Variants in TRABD2B observed in about 807,000 individuals in gnomAD.
TRABD2B encodes the protein metalloprotease TIKI2.
Under a neutral mutation model 40.1 loss-of-function variants are expected in TRABD2B, and 14 were observed. That is an observed-to-expected ratio of 0.35 (90% CI 0.23 to 0.55). TRABD2B has a LOEUF of 0.55. TRABD2B is among the 20% of genes least tolerant of loss of function. The pLI is 0.90. For synonymous variants in TRABD2B, 263 were observed against 277.0 expected (o/e 0.95, Z 0.50); for missense variants, 541 against 648.6 (o/e 0.83, Z 1.80).
intron 2 of TRABD2B, among the ~76,000 whole-genome samples, chr1:47,805,971 G>C (rs12401319): frequency 0.059 from 9,026 of 152,234 alleles, 480 homozygotes; most frequent in East Asian, 0.19. Context: ...CCCTGGAAGA[G>C]AGCCAAGAGG....
intron 2 of TRABD2B, among the ~76,000 whole-genome samples, chr1:47,936,118 A>C (rs1645103590): frequency 6.6e-6 from 1 of 152,180 alleles, no homozygotes; most frequent in Admixed American, 6.5e-5. Flanking sequence ...CTCTCTCTCA[A>C]ATGAGGTCAG....
chr1:47,810,151 TGTGC>T (rs990535052), intron 2 of TRABD2B, among the ~76,000 whole-genome samples: 9 of 126,702 alleles, frequency 7.1e-5, no homozygotes, highest in East Asian at 2.5e-4. Context: ...TGTGTGTGTG[TGTGC>T]GCGCGCGCGC....
At chr1:47,783,858 G>A (rs1644558852) in intron 4 of TRABD2B, among the ~76,000 whole-genome samples, 1 of 152,204 alleles carries the variant, frequency 6.6e-6, no homozygotes, top group African/African-American at 2.4e-5. Flanking sequence ...TAGAGCGAGT[G>A]CTGTCCTAGG....
At chr1:47,781,393 C>A (rs956522711) in intron 4 of TRABD2B, among the ~76,000 whole-genome samples, 1 of 152,168 alleles carries the variant, frequency 6.6e-6, no homozygotes, top group African/African-American at 2.4e-5. Flanking sequence ...CCAAGAGGAG[C>A]GTTTCTGGGA....
chr1:47,936,091 G>A (rs755094644), intron 2 of TRABD2B, among the ~76,000 whole-genome samples: 1 of 152,192 alleles, frequency 6.6e-6, no homozygotes, highest in African/African-American at 2.4e-5. Flanking sequence ...AGGGACTCAG[G>A]AACTATGAGG....
chr1:47,803,889 C>A (rs1311655139), intron 2 of TRABD2B, among the ~76,000 whole-genome samples: 1 of 152,224 alleles, frequency 6.6e-6, no homozygotes, highest in Non-Finnish European at 1.5e-5. Flanking sequence ...ACAACTTCTG[C>A]ACTCTGCATT....
chr1:47,959,509 A>G (rs116544232), intron 2 of TRABD2B, among the ~76,000 whole-genome samples: 2,451 of 152,272 alleles, frequency 0.016, 64 homozygotes, highest in African/African-American at 0.055. Context: ...AGATGCAATA[A>G]AAAAATGATA....
chr1:47,820,210 C>T (rs964754630), intron 2 of TRABD2B: 13 of 152,212 alleles, frequency 8.5e-5, no homozygotes, highest in African/African-American at 2.7e-4. Context: ...ACATATGATG[C>T]ACTCAATAAA....
chr1:47,892,144 T>C (rs1216150731), intron 2 of TRABD2B, among the ~76,000 whole-genome samples: 1 of 152,226 alleles, frequency 6.6e-6, no homozygotes, highest in East Asian at 1.9e-4. Context: ...ATTGTGGTGG[T>C]GGCTGAGGCC....
intron 2 of TRABD2B, among the ~76,000 whole-genome samples, chr1:47,878,653 G>A (rs1644258229): frequency 5.3e-5 from 8 of 152,194 alleles, no homozygotes; most frequent in Admixed American, 5.2e-4. Context: ...ATCTAGAATT[G>A]AGCTATCTCT....
chr1:47,806,724 C>A (rs542164201), intron 2 of TRABD2B, among the ~76,000 whole-genome samples: 1 of 152,146 alleles, frequency 6.6e-6, no homozygotes, highest in African/African-American at 2.4e-5. Context: ...GTGAGGCAGG[C>A]GCCAGGAGGG....
At chr1:47,772,046 C>A (rs756408578) in intron 6 of TRABD2B, among the ~76,000 whole-genome samples, 1 of 151,934 alleles carries the variant, frequency 6.6e-6, no homozygotes, top group Non-Finnish European at 1.5e-5. Flanking sequence ...GGGCACCCAC[C>A]GGCACTGCGT....
chr1:47,951,855 G>A (rs964401333), intron 2 of TRABD2B, among the ~76,000 whole-genome samples: 1 of 152,222 alleles, frequency 6.6e-6, no homozygotes, highest in Non-Finnish European at 1.5e-5. Flanking sequence ...CAAAAGTGAT[G>A]TGCCCCGCTC....
intron 2 of TRABD2B, among the ~76,000 whole-genome samples, chr1:47,824,857 G>A (rs930246445): frequency 7.9e-5 from 12 of 152,172 alleles, no homozygotes; most frequent in Admixed American, 2.0e-4. Context: ...GGCCCAGGGA[G>A]CTCAGCCCAC....
intron 2 of TRABD2B, among the ~76,000 whole-genome samples, chr1:47,828,919 C>T (rs1279484469): frequency 6.6e-6 from 1 of 152,228 alleles, no homozygotes; most frequent in Non-Finnish European, 1.5e-5. Flanking sequence ...TCAAGCTCCA[C>T]AGCCTGCCTC....
chr1:47,775,212 C>T lies in TRABD2B; in HGVS notation c.1307G>A (p.Arg436Gln), dbSNP rs1294384012. ...CCAGAGGTCATTGAACTGCCGCGGC[C>T]GCTGGTGTGTGCTCTGCCTCTTGTG... ...KWHKRQSTHQ[R>Q]PRQFNDLWVR... Residue 436 changes from arginine to glutamine, a missense_variant, in exon 6 of 7, where the codon CGG becomes CAG. Arg to Gln is a conservative substitution (Grantham distance 43, BLOSUM62 1). Coordinates refer to ENST00000606738, the MANE Select transcript of TRABD2B (RefSeq NM_001194986.2). 3.2e-6 allele frequency: 4 copies of T among 1,241,296 alleles called. No individual in the cohort carries two copies. Among genetic ancestry groups the T allele is most frequent in the Non-Finnish European group, 4.0e-6 (4 of 991,736 alleles). 76.9% of individuals were successfully genotyped at this position (1,241,296 alleles called of 1,614,324 possible).
At chr1:47,889,190 C>A (rs1644411975) in intron 2 of TRABD2B, among the ~76,000 whole-genome samples, 1 of 152,188 alleles carries the variant, frequency 6.6e-6, no homozygotes, top group Admixed American at 6.5e-5. Context: ...ATGGTGAATC[C>A]TTCTGAGATC....
intron 2 of TRABD2B, among the ~76,000 whole-genome samples, chr1:47,923,911 CACAT>C (rs1426640315): frequency 1.2e-4 from 7 of 56,650 alleles, no homozygotes; most frequent in African/African-American, 3.8e-4. Flanking sequence ...CACACATACA[CACAT>C]ACACACACAC....
At chr1:47,853,794 C>T (rs1353394271) in intron 2 of TRABD2B, among the ~76,000 whole-genome samples, 1 of 152,206 alleles carries the variant, frequency 6.6e-6, no homozygotes, top group Non-Finnish European at 1.5e-5. Flanking sequence ...GCCTAGAAAA[C>T]CATAACAAGA....
Sources: allele counts gnomAD v4.1 joint callset (sites outside exome capture counted in the v4.1 genomes callset), GRCh38; gene constraint gnomAD v4.1.1; transcripts MANE v1.5; gene names NCBI Gene and HGNC (gene_info 2026-07-23, HGNC 2026-07-21).